Variants in PARP4 observed in about 807,000 individuals in gnomAD.
PARP4 encodes the protein poly(ADP-ribose) polymerase family member 4, also known as protein mono-ADP-ribosyltransferase PARP4.
A neutral mutation model predicts 187.7 loss-of-function variants in PARP4; 120 were observed. The ratio of observed to expected loss-of-function variants is 0.64; its 90% CI spans 0.55 to 0.74. The LOEUF is 0.74. Among genes scored for constraint, PARP4 ranks in the 30% least tolerant of loss-of-function variants. The pLI is 0.00. For missense variants in PARP4, 1,836 were observed against 2,070.5 expected (o/e 0.89, Z 2.20); for synonymous variants, 654 against 740.9 (o/e 0.88, Z 1.90).
chr13:24,493,458 G>C (rs1316849906), intron 8 of PARP4, 138 bp downstream of exon 8: 2 of 759,266 alleles, frequency 2.6e-6, no homozygotes, highest in Non-Finnish European at 4.1e-6. Flanking sequence ...TCTTTCTTCA[G>C]TACCGGTACA....
At chr13:24,463,660 A>G (rs9511284) in intron 17 of PARP4, among the ~76,000 whole-genome samples, 78,624 of 151,582 alleles carry the variant, frequency 0.52, 20,554 homozygotes, top group South Asian at 0.65. Context: ...AATAATAAGA[A>G]CCATTAATGA....
chr13:24,476,001 G>T (rs1872965089), intron 14 of PARP4, among the ~76,000 whole-genome samples: 1 of 152,026 alleles, frequency 6.6e-6, no homozygotes, highest in South Asian at 2.1e-4. Flanking sequence ...TGTCCAGGCT[G>T]GTCTTGAACT....
chr13:24,490,594 G>T, intron 10 of PARP4, 74 bp downstream of exon 10: 2 of 1,123,522 alleles, frequency 1.8e-6, no homozygotes, highest in Non-Finnish European at 2.6e-6. Flanking sequence ...GGTAATTACT[G>T]TAATTAGCTC....
rs544935453 is a variant in PARP4 at position 24,494,862 on chromosome 13, C to A, written c.592-140G>T. On this transcript the variant is annotated intron_variant, in intron 6 of 33. Transcript: ENST00000381989. ...CAAAGAATTACTTAAATTTTAAATT[C>A]TTTTTCTTTTCTTTTTCTTTTTTTT... is the stretch of plus-strand genomic sequence containing the variant. The A allele has an allele frequency of 1.7e-4, 97 of 560,012 alleles. No homozygotes were observed. The African/African-American group carries it at 1.8e-3, about 11-fold the overall frequency. 34.7% of individuals were successfully genotyped at this position (560,012 alleles called of 1,614,324 possible).
intron 33 of PARP4, among the ~76,000 whole-genome samples, chr13:24,425,599 C>CTATATATATATATATA (rs138449687): frequency 1.4e-4 from 20 of 138,018 alleles, no homozygotes; most frequent in African/African-American, 5.4e-4. Flanking sequence ...ATATCTATAT[C>CTATATATATATATATA]TATATCTATA....
At chr13:24,467,747 C>T (rs9511293) in intron 17 of PARP4, among the ~76,000 whole-genome samples, 77,410 of 152,074 alleles carry the variant, frequency 0.51, 20,019 homozygotes, top group South Asian at 0.65. Context: ...GTAATACCTT[C>T]TGTGAAGGCT....
At chr13:24,426,833 A>G (rs1235240395) in intron 32 of PARP4, among the ~76,000 whole-genome samples, 2 of 144,170 alleles carry the variant, frequency 1.4e-5, no homozygotes, top group Non-Finnish European at 3.0e-5. Flanking sequence ...CGGAGCTTGC[A>G]GTGAGCCGAG....
At chr13:24,457,680 A>G (rs1489004923) in intron 20 of PARP4, among the ~76,000 whole-genome samples, 1 of 149,198 alleles carries the variant, frequency 6.7e-6, no homozygotes, top group Admixed American at 6.7e-5. Context: ...CTGAGGCATG[A>G]GAATCGTTTG....
chr13:24,472,272 G>A (rs2137502920), intron 15 of PARP4, among the ~76,000 whole-genome samples: 1 of 152,302 alleles, frequency 6.6e-6, no homozygotes, highest in Middle Eastern at 3.4e-3. Context: ...GATCCTAAGT[G>A]GTGCCAAAGG....
At position 24,434,470 on chromosome 13, in the gene PARP4, T is replaced by C. The variant is rs1450788800; in HGVS notation, c.4671A>G (p.Glu1557=). Residue 1557 remains glutamate (E), a synonymous_variant, in exon 31 of 34, where the codon GAA becomes GAG. Transcript: ENST00000381989. ...GTTGTATGCACACTATTTCATCCTCTTCTTTTACTTCCAGAAAGCACAGGA... is the reference window on the plus strand; with the variant it reads ...GTTGTATGCACACTATTTCATCCTCCTCTTTTACTTCCAGAAAGCACAGGA... ...DSILCFLEVK[E]EDEIVCIQHW... is the part of the protein sequence containing the mutation. The C allele has an allele frequency of 6.2e-7, 1 of 1,612,160 alleles. No individual in the cohort carries two copies. The highest frequency in any genetic ancestry group is 8.5e-7 in the Non-Finnish European group (1 of 1,178,710).
chr13:24,449,620 C>T, intron 25 of PARP4, 98 bp downstream of exon 25: 2 of 708,960 alleles, frequency 2.8e-6, no homozygotes, highest in Middle Eastern at 4.2e-4. Context: ...TACGGCTCCC[C>T]TCTCATTCAA....
intron 10 of PARP4, 118 bp downstream of exon 10, chr13:24,490,550 A>T: frequency 1.2e-6 from 1 of 810,114 alleles, no homozygotes; most frequent in Non-Finnish European, 2.0e-6. Flanking sequence ...TCATCACACC[A>T]CCGCTACTGT....
chr13:24,507,978 C>G (rs949793147), intron 1 of PARP4, among the ~76,000 whole-genome samples: 15 of 152,158 alleles, frequency 9.9e-5, no homozygotes, highest in African/African-American at 3.4e-4. Context: ...CTTTTGAGGT[C>G]CGGTTAAACT....
intron 2 of PARP4, among the ~76,000 whole-genome samples, chr13:24,503,132 C>A (rs1869401663): frequency 6.6e-6 from 1 of 152,238 alleles, no homozygotes; most frequent in Non-Finnish European, 1.5e-5. Context: ...GCCAGGCTTA[C>A]AAGTTCAAGA....
intron 1 of PARP4, among the ~76,000 whole-genome samples, chr13:24,505,763 A>C (rs1358081679): frequency 6.6e-6 from 1 of 152,198 alleles, no homozygotes; most frequent in Non-Finnish European, 1.5e-5. Flanking sequence ...CAATTTTTAA[A>C]AACAAGGAGT....
intron 15 of PARP4, among the ~76,000 whole-genome samples, chr13:24,472,581 C>G (rs1362269521): frequency 6.6e-6 from 1 of 152,188 alleles, no homozygotes; most frequent in Non-Finnish European, 1.5e-5. Flanking sequence ...GAGTCAGAAG[C>G]TGATCATGAG....
chr13:24,454,376 T>C (rs1037589092), intron 22 of PARP4, among the ~76,000 whole-genome samples: 17 of 152,144 alleles, frequency 1.1e-4, no homozygotes, highest in Non-Finnish European at 2.1e-4. Context: ...TTCTGCTGGA[T>C]TGCACAGAGG....
At position 24,469,990 on chromosome 13, in the gene PARP4, G is replaced by A. The variant is rs199949624; in HGVS notation, c.1950C>T (p.His650=). Residue 650 remains histidine (H), a synonymous_variant, in exon 16 of 34, where the codon CAC becomes CAT. Transcript: ENST00000381989. ...AGATATATTTTGCCTCAATGGGCAC[G>A]TGACTTTTATTTGTGTATGTCTGAA... ...IVFQTYTNKS[H]VPIEAKYIFP... is the part of the protein sequence containing the mutation. 81 of 1,613,506 alleles carry A rather than the reference G, an allele frequency of 5.0e-5. No individual in the cohort carries two copies. The highest frequency in any genetic ancestry group is 1.7e-4 in the Middle Eastern group (1 of 6,052).
chr13:24,425,666 G>T (rs1448020756), intron 33 of PARP4, among the ~76,000 whole-genome samples: 1 of 151,802 alleles, frequency 6.6e-6, no homozygotes, highest in African/African-American at 2.4e-5. Context: ...TGGGGGGTCT[G>T]TAGGGACAAG....
Sources: gnomAD v4.1 joint callset for allele counts (sites outside exome capture counted in the v4.1 genomes callset) on GRCh38, gnomAD v4.1.1 for gene constraint, MANE v1.5 for transcripts, NCBI Gene and HGNC (gene_info 2026-07-23, HGNC 2026-07-21) for gene names.